Variants in CACNA2D4 observed in about 807,000 individuals in gnomAD.
CACNA2D4 encodes the protein voltage-dependent calcium channel subunit alpha-2/delta-4.
In CACNA2D4, 157 loss-of-function variants were observed where a neutral mutation model predicts 163.8. The ratio of observed to expected loss-of-function variants is 0.96; its 90% confidence interval spans 0.84 to 1.09. The LOEUF (loss-of-function observed/expected upper bound fraction) is 1.09, where lower values mean the gene tolerates loss of function less well. Among genes scored for constraint, CACNA2D4 ranks in the 50% least tolerant of loss-of-function variants. The pLI is 0.00. For missense variants in CACNA2D4, 1,410 were observed against 1,479.9 expected (o/e 0.95, Z 0.78); for synonymous variants, 598 against 586.9 (o/e 1.02, Z -0.27).
Position 1,917,475 on chromosome 12 carries a change from G to T in CACNA2D4, c.227+772C>A, listed in dbSNP as rs999956817. Among the ~76,000 whole-genome samples, 2 of 152,190 alleles carry T rather than the reference G, an allele frequency of 1.3e-5. No homozygotes were observed. The highest frequency in any genetic ancestry group is 2.4e-5 in the African/African-American group (1 of 41,426). ...CTATGGTGCTGGGCTCAAGCGGCTG[G>T]AGTAAACAGGATGGGGTCTGTAGCA... On this transcript the variant is annotated intron_variant, in intron 1 of 37. Transcript: ENST00000382722. The surrounding 1 kb of genome is among the most constrained non-coding windows in gnomAD (Gnocchi z 4.3).
In CACNA2D4 at chr12:1,795,897, A is replaced by G. The variant is rs1424609729; in HGVS notation, c.3114-117T>C. 1.6e-5 allele frequency: 12 copies of G among 739,496 alleles called. No individual in the cohort carries two copies. In the Admixed American group the frequency reaches 1.8e-4, roughly 11 times the overall value. The allele number at this position is 739,496 out of a possible 1,614,324, so 45.8% of individuals were successfully genotyped here. On this transcript the variant is annotated intron_variant, in intron 35 of 37. Coordinates refer to ENST00000382722, the MANE Select transcript of CACNA2D4 (RefSeq NM_172364.5). The stretch of plus-strand genomic sequence containing the variant: ...TAGGGTGGCAGGGAAGCCCGGAACC[A>G]TGAGGCAGGGCGGGTCGGGGCAGCT...
intron 35 of CACNA2D4, 68 bp from the exon 36 acceptor site, chr12:1,795,848 C>T: frequency 2.0e-6 from 2 of 991,874 alleles, no homozygotes; most frequent in Admixed American, 1.7e-5. Context: ...AGGGAAGGAA[C>T]TTCTGGAGAC....
At chr12:1,860,236 A>G in intron 18 of CACNA2D4, 30 bp from the exon 19 acceptor site, 1 of 1,595,434 alleles carries the variant, frequency 6.3e-7, no homozygotes, top group South Asian at 1.1e-5. Flanking sequence ...AAGAGTGCTC[A>G]CGCAGAGAAG....
intron 6 of CACNA2D4, among the ~76,000 whole-genome samples, chr12:1,892,441 C>A (rs1424408286): frequency 6.6e-6 from 1 of 152,136 alleles, no homozygotes; most frequent in Admixed American, 6.5e-5. Flanking sequence ...AGGACAATAT[C>A]TACCATGATG....
chr12:1,797,976 G>A (rs1197121513), intron 34 of CACNA2D4, among the ~76,000 whole-genome samples: 1 of 152,096 alleles, frequency 6.6e-6, no homozygotes, highest in Non-Finnish European at 1.5e-5. Flanking sequence ...CAGTTCCTGG[G>A]CAATCCTGCC....
At chr12:1,827,055 C>T (rs983907190) in intron 26 of CACNA2D4, among the ~76,000 whole-genome samples, 12 of 152,328 alleles carry the variant, frequency 7.9e-5, no homozygotes, top group Middle Eastern at 3.4e-3. Flanking sequence ...GGCTGGGAGC[C>T]GCCTGGAGCA....
In CACNA2D4 at chr12:1,800,380, A is replaced by G; in HGVS notation, c.2921+6T>C. On this transcript the variant is annotated splice_donor_region_variant and intron_variant, in intron 32 of 37. Transcript: ENST00000382722. ...CTCCACCAGCCCCGTGTCTACCCCC[A>G]CTCACAGCACCAGCTCCTGCAGCAG... 6.2e-7 allele frequency: 1 copy of G among 1,613,010 alleles called. No homozygotes were observed. The highest frequency in any genetic ancestry group is 8.5e-7 in the Non-Finnish European group (1 of 1,179,600).
chr12:1,796,505 G>A (rs1477561879), intron 35 of CACNA2D4, among the ~76,000 whole-genome samples: 8 of 152,216 alleles, frequency 5.3e-5, no homozygotes, highest in Admixed American at 5.2e-4. Flanking sequence ...ATTCAGGAGT[G>A]TCTACTCTGA....
intron 22 of CACNA2D4, among the ~76,000 whole-genome samples, chr12:1,854,517 T>G (rs1865359343): frequency 6.6e-6 from 1 of 152,198 alleles, no homozygotes; most frequent in Non-Finnish European, 1.5e-5. Context: ...GCAATTCTCC[T>G]GCCTCAGCCT....
Position 1,874,719 on chromosome 12 carries a change from G to T in CACNA2D4, c.1807-44C>A. On this transcript the variant is annotated intron_variant, in intron 17 of 37. Coordinates refer to ENST00000382722, the MANE Select transcript of CACNA2D4 (RefSeq NM_172364.5). The surrounding 1 kb of genome is among the most constrained non-coding windows in gnomAD (Gnocchi z 4.4). ...TGGCATTAGTTCCTTGGCTCACAGG[G>T]GATGGTGAAAGTATGGCATTCTTCA... The T allele has an allele frequency of 1.4e-5, 20 of 1,401,988 alleles. No individual in the cohort carries two copies. The highest frequency in any genetic ancestry group is 1.8e-5 in the Non-Finnish European group (18 of 987,752). 86.8% of individuals were successfully genotyped at this position (1,401,988 alleles called of 1,614,324 possible).
intron 6 of CACNA2D4, among the ~76,000 whole-genome samples, chr12:1,904,679 A>T (rs1173512318): frequency 6.6e-6 from 1 of 152,086 alleles, no homozygotes; most frequent in East Asian, 1.9e-4. Flanking sequence ...AATCCAAATT[A>T]GAATGTTATA....
chr12:1,898,520 A>G (rs1450385848), intron 6 of CACNA2D4, among the ~76,000 whole-genome samples: 2 of 152,172 alleles, frequency 1.3e-5, no homozygotes, highest in South Asian at 2.1e-4. Flanking sequence ...CAAAGTTGCC[A>G]TGAGATACTA....
chr12:1,902,716 T>C (rs1866565419), intron 6 of CACNA2D4, among the ~76,000 whole-genome samples: 2 of 151,962 alleles, frequency 1.3e-5, no homozygotes, highest in Admixed American at 1.3e-4. Flanking sequence ...AAATTGAAGA[T>C]GACACAAAAA....
chr12:1,809,896 G>A (rs1863650468), intron 29 of CACNA2D4, among the ~76,000 whole-genome samples: 3 of 152,222 alleles, frequency 2.0e-5, no homozygotes, highest in African/African-American at 7.2e-5. Flanking sequence ...CGGGGGTTGG[G>A]GAATGATCTG....
At chr12:1,907,697 C>A in intron 5 of CACNA2D4, 126 bp from the exon 6 acceptor site, 1 of 1,183,412 alleles carries the variant, frequency 8.5e-7, no homozygotes, top group Non-Finnish European at 1.2e-6. Flanking sequence ...GGTGGGTGTG[C>A]CTGGTGGGCG....
intron 29 of CACNA2D4, among the ~76,000 whole-genome samples, chr12:1,805,293 G>C (rs558355543): frequency 6.6e-6 from 1 of 152,300 alleles, no homozygotes; most frequent in East Asian, 1.9e-4. Flanking sequence ...GCGACCAAGT[G>C]ATGAGAGGTT....
intron 1 of CACNA2D4, chr12:1,915,187 G>C (rs1290353076): frequency 2.8e-6 from 2 of 702,512 alleles, no homozygotes; most frequent in African/African-American, 3.5e-5. Flanking sequence ...ACACACAAAA[G>C]AGCACCTGTC....
Position 1,799,626 on chromosome 12 carries a change from G to T in CACNA2D4, c.2995+49C>A. On this transcript the variant is annotated intron_variant, in intron 34 of 37. Coordinates refer to ENST00000382722, the MANE Select transcript of CACNA2D4 (RefSeq NM_172364.5). The surrounding 1 kb of genome is among the most constrained non-coding windows in gnomAD (Gnocchi z 4.7). ...GGGTGGGTTCTTTGTAGCTCCTGCT[G>T]CGTCCCCAACCCACCGCCAGCAGGG... 6.4e-7 allele frequency: 1 copy of T among 1,552,344 alleles called. No individual in the cohort carries two copies. The highest frequency in any genetic ancestry group is 1.4e-5 in the African/African-American group (1 of 73,252).
At chr12:1,803,805 G>A (rs777707720) in intron 29 of CACNA2D4, among the ~76,000 whole-genome samples, 5 of 152,202 alleles carry the variant, frequency 3.3e-5, no homozygotes, top group African/African-American at 4.8e-5. Flanking sequence ...CGAATCAAGA[G>A]CTTCAGACTA....
Sources: allele counts gnomAD v4.1 joint callset (sites outside exome capture counted in the v4.1 genomes callset), GRCh38; gene constraint gnomAD v4.1.1; non-coding constraint Gnocchi (gnomAD v3.1); transcripts MANE v1.5; gene names NCBI Gene and HGNC (gene_info 2026-07-23, HGNC 2026-07-21).